The following BTC variants were observed in gnomAD, a reference collection of about 807,000 sequenced individuals.
BTC encodes the protein probetacellulin.
BTC carries 13 observed loss-of-function variants against 18.1 expected under a neutral mutation model. The ratio of observed to expected loss-of-function variants is 0.72; its 90% confidence interval spans 0.47 to 1.14. The LOEUF (loss-of-function observed/expected upper bound fraction) is 1.14, where lower values mean the gene tolerates loss of function less well. Among genes scored for constraint, BTC ranks in the 50% most tolerant of loss-of-function variants. The pLI is 0.00. For synonymous variants in BTC, 83 were observed against 79.4 expected (o/e 1.05, Z -0.24); for missense variants, 247 against 224.2 (o/e 1.10, Z -0.65).
Position 74,746,355 on chromosome 4 carries a change from C to G in BTC, c.*322G>C, listed in dbSNP as rs1340364353. On this transcript the variant is annotated 3_prime_UTR_variant, in exon 6 of 6. Coordinates refer to ENST00000395743, the MANE Select transcript of BTC (RefSeq NM_001729.4). ...TGGTAGCTTTATTATTAATTCAATT[C>G]CTAAGACCTAACCTCCTTTCTACTT... 1 of 152,400 alleles carries G rather than the reference C, an allele frequency of 6.6e-6. No homozygotes were observed. Among genetic ancestry groups the G allele is most frequent in the Non-Finnish European group, 1.5e-5 (1 of 67,998 alleles). 9.4% of individuals were successfully genotyped at this position (152,400 alleles called of 1,614,324 possible).
At chr4:74,783,250 T>G (rs1725384783) in intron 1 of BTC, among the ~76,000 whole-genome samples, 1 of 152,228 alleles carries the variant, frequency 6.6e-6, no homozygotes, top group Admixed American at 6.5e-5. Flanking sequence ...ATTTAAGTAT[T>G]TCATCCATCT....
chr4:74,791,829 T>C (rs540038328), intron 1 of BTC, among the ~76,000 whole-genome samples: 2 of 152,292 alleles, frequency 1.3e-5, no homozygotes, highest in South Asian at 2.1e-4. Context: ...CACCATCTAA[T>C]GAAACCTCTT....
chr4:74,788,175 T>C (rs1467577443), intron 1 of BTC, among the ~76,000 whole-genome samples: 3 of 152,250 alleles, frequency 2.0e-5, no homozygotes, highest in Non-Finnish European at 2.9e-5. Flanking sequence ...GGATTCCGAC[T>C]AATGCCCTCA....
chr4:74,765,463 G>C (rs28822209), intron 2 of BTC, among the ~76,000 whole-genome samples: 1 of 151,910 alleles, frequency 6.6e-6, no homozygotes, highest in Admixed American at 6.6e-5. Flanking sequence ...AAGAATTTTA[G>C]CAAGTGAAAA....
rs185539140 is a variant in BTC, at chr4:74,769,581, A to T, written c.163+477T>A. Among the ~76,000 whole-genome samples the T allele has an allele frequency of 4.6e-5, 7 of 152,346 alleles. No homozygotes were observed. The South Asian group carries it at 8.3e-4, about 18-fold the overall frequency. On this transcript the variant is annotated intron_variant, in intron 2 of 5. Coordinates refer to ENST00000395743, the MANE Select transcript of BTC (RefSeq NM_001729.4). The stretch of plus-strand genomic sequence containing the variant: ...TAGACTGATAAGTTTGAGAACACTA[A>T]TTCAAGCATCTCCAAGGTAAAATAT...
At chr4:74,777,436 G>T (rs1452047832) in intron 1 of BTC, among the ~76,000 whole-genome samples, 2 of 152,108 alleles carry the variant, frequency 1.3e-5, no homozygotes, top group East Asian at 1.9e-4. Context: ...CTCATAAGTG[G>T]ATACTGACAA....
intron 2 of BTC, among the ~76,000 whole-genome samples, chr4:74,759,544 A>G (rs1426573545): frequency 6.6e-5 from 10 of 152,210 alleles, no homozygotes; most frequent in South Asian, 2.1e-4. Flanking sequence ...TATATTCCGA[A>G]GATGCTAAAC....
chr4:74,750,713 A>C lies in BTC; in HGVS notation c.288T>G (p.Asp96Glu), dbSNP rs1486707544. 1.4e-5 allele frequency: 23 copies of C among 1,613,052 alleles called. No homozygotes were observed. The highest frequency in any genetic ancestry group is 1.8e-5 in the Non-Finnish European group (21 of 1,179,800). The change falls in exon 4 of 6, where the codon GAT (aspartate) becomes GAG (glutamate). Residue 96 changes from aspartate to glutamate, a missense_variant. Physicochemically the swap from Asp to Glu is conservative, Grantham distance 45. Transcript: ENST00000395743. ...CACACCTTGCTCCAATGTAGCCTTC[A>C]TCACAGCTATAAAACAAGACGAGGG... ...VAEQTPSCVC[D>E]EGYIGARCER...
chr4:74,783,680 G>C (rs576779102), intron 1 of BTC, among the ~76,000 whole-genome samples: 4 of 146,932 alleles, frequency 2.7e-5, no homozygotes, highest in Admixed American at 6.9e-5. Flanking sequence ...AATGGGGATA[G>C]CATTGAATCT....
At chr4:74,777,275 G>A (rs148106219) in intron 1 of BTC, among the ~76,000 whole-genome samples, 111 of 152,278 alleles carry the variant, frequency 7.3e-4, no homozygotes, top group African/African-American at 2.5e-3. Context: ...GTAGCTGTGT[G>A]CTGAAAAGAA....
rs112917217 is a variant in BTC at position 74,782,848 on chromosome 4, A to G, written c.64+11414T>C. On this transcript the variant is annotated intron_variant, in intron 1 of 5. Transcript: ENST00000395743. ...GGTTTTGATTCTCATTTCTCTAATG[A>G]TCGGTGATGTTGAGCTCTTTTTCAT... is the stretch of plus-strand genomic sequence containing the variant. 1.6e-4 allele frequency among the ~76,000 whole-genome samples: 24 copies of G among 152,170 alleles called. 1 individual carries two copies. The South Asian group carries it at 4.8e-3, about 30-fold the overall frequency.
At chr4:74,760,193 A>G (rs1332394116) in intron 2 of BTC, among the ~76,000 whole-genome samples, 1 of 152,230 alleles carries the variant, frequency 6.6e-6, no homozygotes, top group Non-Finnish European at 1.5e-5. Context: ...ACCTATTACA[A>G]TGGTTATAGC....
chr4:74,749,635 T>C (rs1724396606), intron 4 of BTC, among the ~76,000 whole-genome samples: 1 of 149,598 alleles, frequency 6.7e-6, no homozygotes, highest in Non-Finnish European at 1.5e-5. Flanking sequence ...TTTAGGAATC[T>C]GGGCAAGCTT....
chr4:74,754,967 T>TCA lies in BTC; in HGVS notation c.281+890_281+891dup, dbSNP rs1193076996. 9.7e-5 allele frequency among the ~76,000 whole-genome samples: 8 copies of TCA among 82,772 alleles called. No individual in the cohort carries two copies. The Admixed American group carries it at 1.0e-3, about 10-fold the overall frequency. 54.3% of individuals were successfully genotyped at this position (82,772 alleles called of 152,430 possible). A position where few individuals can be genotyped will look rare whatever the true frequency, so the allele number is the denominator to read the frequency against. On this transcript the variant is annotated intron_variant, in intron 3 of 5. Coordinates refer to ENST00000395743, the MANE Select transcript of BTC (RefSeq NM_001729.4). ...CACACACACACACACACACACACACTCACACACACACATTTCCTTATTTTC... is the reference window on the plus strand; with the variant it reads ...CACACACACACACACACACACACACTCACACACACACACATTTCCTTATTTTC...
chr4:74,782,398 T>A (rs997419747), intron 1 of BTC, among the ~76,000 whole-genome samples: 1 of 152,210 alleles, frequency 6.6e-6, no homozygotes, highest in Non-Finnish European at 1.5e-5. Flanking sequence ...GATAATGGCT[T>A]CCAACTTTTT....
chr4:74,793,632 G>A (rs1403052421), intron 1 of BTC, among the ~76,000 whole-genome samples: 3 of 152,096 alleles, frequency 2.0e-5, no homozygotes, highest in Admixed American at 6.5e-5. Flanking sequence ...AGGGGAAGGG[G>A]AAGCCTGCTT....
At chr4:74,760,400 A>G (rs1308744805) in intron 2 of BTC, among the ~76,000 whole-genome samples, 2 of 152,228 alleles carry the variant, frequency 1.3e-5, no homozygotes, top group African/African-American at 4.8e-5. Flanking sequence ...CTTGGCTTCC[A>G]GGCATCTTCC....
chr4:74,791,756 T>C (rs1450912529), intron 1 of BTC, among the ~76,000 whole-genome samples: 1 of 152,216 alleles, frequency 6.6e-6, no homozygotes, highest in East Asian at 1.9e-4. Flanking sequence ...ATAAGCCATT[T>C]CTAATTTAAA....
At chr4:74,782,620 A>C (rs988855148) in intron 1 of BTC, among the ~76,000 whole-genome samples, 5 of 151,430 alleles carry the variant, frequency 3.3e-5, no homozygotes, top group African/African-American at 1.2e-4. Flanking sequence ...ATGCCCAGTA[A>C]TGGGATTACT....
Sources: allele counts gnomAD v4.1 joint callset (sites outside exome capture counted in the v4.1 genomes callset), GRCh38; gene constraint gnomAD v4.1.1; transcripts MANE v1.5; gene names NCBI Gene and HGNC (gene_info 2026-07-23, HGNC 2026-07-21).